Variants in SLIT2 observed in about 807,000 individuals in gnomAD.
SLIT2 encodes the protein slit guidance ligand 2, also known as slit homolog 2 protein.
In SLIT2, 41 loss-of-function variants were observed where a neutral mutation model predicts 185.7. The observed-to-expected ratio is 0.22, with a 90% confidence interval of 0.17 to 0.29. The LOEUF (loss-of-function observed/expected upper bound fraction) is 0.29, where lower values mean the gene tolerates loss of function less well. Among genes scored for constraint, SLIT2 ranks in the 10% least tolerant of loss-of-function variants. The probability of loss-of-function intolerance (pLI) is 1.00; values close to 1 mark genes in which losing one functional copy is unlikely to be tolerated. For missense variants in SLIT2, 1,571 were observed against 1,909.0 expected (o/e 0.82, Z 3.30); for synonymous variants, 693 against 680.2 (o/e 1.02, Z -0.29).
chr4:20,294,348 C>CAA (rs34046519), intron 4 of SLIT2, among the ~76,000 whole-genome samples: 1,461 of 123,502 alleles, frequency 0.012, 13 homozygotes, highest in African/African-American at 0.04. Flanking sequence ...GACTCTGTCT[C>CAA]AAAAAAAAAA....
chr4:20,518,572 TATATATATATATATA>T (rs1274296660), intron 11 of SLIT2, among the ~76,000 whole-genome samples: 1 of 19,072 alleles, frequency 5.2e-5, no homozygotes, highest in East Asian at 2.1e-3. Flanking sequence ...TATATATATA[TATATATATATATATA>T]TTTTTTTTTT....
chr4:20,570,642 G>C lies in SLIT2; in HGVS notation c.3088+1638G>C, dbSNP rs767898416. 6.0e-5 allele frequency among the ~76,000 whole-genome samples: 9 copies of C among 149,686 alleles called. 1 individual carries two copies. Among genetic ancestry groups the C allele is most frequent in the Admixed American group, 3.4e-4 (5 of 14,880 alleles). ...GGAGGCCTCCTTAAACCAAGCCACT[G>C]TCACTGCACCAGACAAATTGGACCC... On this transcript the variant is annotated intron_variant, in intron 29 of 36. Transcript: ENST00000504154.
At chr4:20,303,009 G>A (rs72619155) in intron 4 of SLIT2, among the ~76,000 whole-genome samples, 7 of 89,868 alleles carry the variant, frequency 7.8e-5, no homozygotes, top group South Asian at 4.7e-4. Context: ...TTATCCCATT[G>A]TCTACATTAC....
chr4:20,614,362 G>A (rs1160147915), intron 34 of SLIT2, among the ~76,000 whole-genome samples: 1 of 152,132 alleles, frequency 6.6e-6, no homozygotes, highest in Non-Finnish European at 1.5e-5. Flanking sequence ...TTGCCATTTT[G>A]AGGCCTGTAG....
At position 20,449,590 on chromosome 4, in the gene SLIT2, G is replaced by A. The variant is rs142043300; in HGVS notation, c.396-18162G>A. Among the ~76,000 whole-genome samples the A allele has an allele frequency of 5.7e-3, 861 of 152,176 alleles. 6 individuals carry two copies. The highest frequency in any genetic ancestry group is 0.049 in the East Asian group (251 of 5,160). On this transcript the variant is annotated intron_variant, in intron 4 of 36. Coordinates refer to ENST00000504154, the MANE Select transcript of SLIT2 (RefSeq NM_004787.4). The stretch of plus-strand genomic sequence containing the variant: ...CGCCCAGCTAATTTTTGTATTTTTA[G>A]TAGAGACAGGGTTTCACCATGTTGG...
chr4:20,449,447 C>G (rs539324322), intron 4 of SLIT2, among the ~76,000 whole-genome samples: 2 of 152,070 alleles, frequency 1.3e-5, no homozygotes, highest in African/African-American at 4.8e-5. Flanking sequence ...CTCACTCTGT[C>G]GCATAGACTG....
intron 4 of SLIT2, among the ~76,000 whole-genome samples, chr4:20,416,232 C>G (rs946019289): frequency 6.6e-6 from 1 of 152,152 alleles, no homozygotes; most frequent in African/African-American, 2.4e-5. Context: ...GTTCTGGAGG[C>G]TGGAAATCCA....
At chr4:20,565,985 A>G (rs955898433) in intron 26 of SLIT2, among the ~76,000 whole-genome samples, 3 of 152,026 alleles carry the variant, frequency 2.0e-5, no homozygotes, top group Non-Finnish European at 4.4e-5. Context: ...TGTGGCCACC[A>G]TATTTATTCA....
chr4:20,508,858 T>C (rs1035685106), intron 9 of SLIT2, among the ~76,000 whole-genome samples: 3 of 152,008 alleles, frequency 2.0e-5, no homozygotes, highest in African/African-American at 7.2e-5. Context: ...CATTGAATGG[T>C]GAAATAAAGA....
At chr4:20,573,349 A>G in intron 29 of SLIT2, 2 of 696,990 alleles carry the variant, frequency 2.9e-6, no homozygotes, top group East Asian at 2.7e-5. Context: ...GGTACACAGT[A>G]AAAAGGAATG....
intron 4 of SLIT2, among the ~76,000 whole-genome samples, chr4:20,308,136 G>A (rs1458726492): frequency 1.3e-5 from 2 of 152,184 alleles, no homozygotes; most frequent in African/African-American, 2.4e-5. Context: ...ATGGAGAGGT[G>A]TAGCTTGGAC....
At chr4:20,469,566 C>T (rs1714737913) in intron 5 of SLIT2, among the ~76,000 whole-genome samples, 2 of 151,880 alleles carry the variant, frequency 1.3e-5, no homozygotes, top group African/African-American at 4.8e-5. Flanking sequence ...TCTTTTCTCC[C>T]CCACAGGCAT....
intron 4 of SLIT2, among the ~76,000 whole-genome samples, chr4:20,358,934 T>C (rs933495290): frequency 6.6e-6 from 1 of 152,064 alleles, no homozygotes; most frequent in African/African-American, 2.4e-5. Flanking sequence ...TTCTGTAAAA[T>C]TCGGACAATC....
intron 29 of SLIT2, among the ~76,000 whole-genome samples, chr4:20,576,647 G>A (rs1726107188): frequency 6.6e-6 from 1 of 152,154 alleles, no homozygotes; most frequent in Non-Finnish European, 1.5e-5. Context: ...TTACTAGAGA[G>A]AATACTTTGG....
intron 7 of SLIT2, among the ~76,000 whole-genome samples, chr4:20,486,954 C>T (rs1027700293): frequency 2.0e-5 from 3 of 151,720 alleles, no homozygotes; most frequent in South Asian, 2.1e-4. Context: ...TTACATATAA[C>T]GTGTAGGACA....
chr4:20,402,213 G>C (rs1164833112), intron 4 of SLIT2, among the ~76,000 whole-genome samples: 1 of 151,786 alleles, frequency 6.6e-6, no homozygotes, highest in African/African-American at 2.4e-5. Context: ...ACCCAAATTT[G>C]AACCAAAGAC....
chr4:20,332,063 G>T (rs1231180231), intron 4 of SLIT2, among the ~76,000 whole-genome samples: 1 of 152,064 alleles, frequency 6.6e-6, no homozygotes, highest in African/African-American at 2.4e-5. Flanking sequence ...TTTAGCTGTC[G>T]TGAATTATGC....
chr4:20,524,124 G>T lies in SLIT2; in HGVS notation c.1385G>T (p.Arg462Leu). Residue 462 changes from arginine to leucine, a missense_variant, in exon 14 of 37, where the codon CGC (arginine) becomes CTC (leucine). Coordinates refer to ENST00000504154, the MANE Select transcript of SLIT2 (RefSeq NM_004787.4). ...TSGARCTSPR[R>L]LANKRIGQIK... ...GGTGCCCGTTGCACCAGCCCCCGCCGCCTGGCAAACAAAAGAATTGGACAG... is the reference window on the plus strand; with the variant it reads ...GGTGCCCGTTGCACCAGCCCCCGCCTCCTGGCAAACAAAAGAATTGGACAG... 1 of 1,614,072 alleles carries T rather than the reference G, an allele frequency of 6.2e-7. No individual in the cohort carries two copies. The highest frequency in any genetic ancestry group is 8.5e-7 in the Non-Finnish European group (1 of 1,180,004).
At chr4:20,480,666 C>G (rs565383462) in intron 5 of SLIT2, 50 bp from the exon 6 acceptor site, 1 of 1,420,820 alleles carries the variant, frequency 7.0e-7, no homozygotes, top group South Asian at 1.2e-5. Flanking sequence ...ATCACCTACC[C>G]CAGCTACTGT....
Sources: gnomAD v4.1 joint callset for allele counts (sites outside exome capture counted in the v4.1 genomes callset) on GRCh38, gnomAD v4.1.1 for gene constraint, MANE v1.5 for transcripts, NCBI Gene and HGNC (gene_info 2026-07-23, HGNC 2026-07-21) for gene names.